Variants in AK8 observed in about 807,000 individuals in gnomAD.
AK8 encodes ATP-AMP transphosphorylase 8.
AK8 carries 44 observed loss-of-function variants against 54.6 expected under a neutral mutation model. The observed-to-expected ratio is 0.81, with a 90% confidence interval of 0.63 to 1.04. The LOEUF is 1.04. Ranked by LOEUF, AK8 falls within the 50% of genes least tolerant of loss-of-function variation. The probability of loss-of-function intolerance (pLI) is 0.00; values close to 1 mark genes in which losing one functional copy is unlikely to be tolerated. For missense variants in AK8, 555 were observed against 613.6 expected, an observed-to-expected ratio of 0.90 and a Z score of 1.01; for synonymous variants, 239 against 245.6, an observed-to-expected ratio of 0.97 and a Z score of 0.25.
chr9:132,845,309 A>G (rs1162843732), intron 5 of AK8, among the ~76,000 whole-genome samples: 1 of 152,228 alleles, frequency 6.6e-6, no homozygotes, highest in East Asian at 1.9e-4. Context: ...GTAACTAATA[A>G]CGATGTCAAT....
chr9:132,831,183 C>T (rs1842085932), intron 5 of AK8, among the ~76,000 whole-genome samples: 2 of 151,650 alleles, frequency 1.3e-5, no homozygotes, highest in Admixed American at 6.6e-5. Flanking sequence ...GTAAAATACG[C>T]TCTCCCTTCT....
chr9:132,745,886 T>C (rs1260877167), intron 11 of AK8, among the ~76,000 whole-genome samples: 2 of 152,112 alleles, frequency 1.3e-5, no homozygotes. Context: ...ATCAGCTCCT[T>C]GAAGTATGTT....
chr9:132,848,906 C>CCT, intron 5 of AK8, among the ~76,000 whole-genome samples: 1 of 118,556 alleles, frequency 8.4e-6, no homozygotes, highest in African/African-American at 3.3e-5. Flanking sequence ...CTCCTGTTTG[C>CCT]TTTTTTTTTT....
intron 11 of AK8, among the ~76,000 whole-genome samples, chr9:132,743,080 T>C (rs1412128716): frequency 6.6e-6 from 1 of 152,210 alleles, no homozygotes; most frequent in Non-Finnish European, 1.5e-5. Flanking sequence ...CGTGTGTAGC[T>C]TTAGCTCCCC....
chr9:132,860,491 G>A lies in AK8; in HGVS notation c.333+3174C>T, dbSNP rs549116540. Among the ~76,000 whole-genome samples, 2 of 152,344 alleles carry A rather than the reference G, an allele frequency of 1.3e-5. No individual in the cohort carries two copies. The highest frequency in any genetic ancestry group is 2.1e-4 in the South Asian group (1 of 4,828). On this transcript the variant is annotated intron_variant, in intron 4 of 12. Coordinates refer to ENST00000298545, the MANE Select transcript of AK8 (RefSeq NM_152572.3). This position sits in a 1 kb window ranked among gnomAD's most constrained non-coding sequence, Gnocchi z 4.4. ...CGAACGCAGGTAGAGGACAGGGAGA[G>A]TTCTAGAGGAAAAGGGAAGGCTCCA...
rs73660281 is a variant in AK8, at chr9:132,837,544, G to A, written c.403-8818C>T. Among the ~76,000 whole-genome samples, 2,368 of 152,074 alleles carry A rather than the reference G, an allele frequency of 0.016. 22 individuals carry two copies. The highest frequency in any genetic ancestry group is 0.031 in the East Asian group (158 of 5,160). On this transcript the variant is annotated intron_variant, in intron 5 of 12. Coordinates refer to ENST00000298545, the MANE Select transcript of AK8 (RefSeq NM_152572.3). This position sits in a 1 kb window ranked among gnomAD's most constrained non-coding sequence, Gnocchi z 4.3. ...CTCTCCTGCTCCAAGGTCTGCTTGC[G>A]TCTGCTCAAACCTCAGGCCCTGTCC...
chr9:132,759,912 A>G (rs1224575297), intron 11 of AK8, among the ~76,000 whole-genome samples: 2 of 152,038 alleles, frequency 1.3e-5, no homozygotes, highest in Non-Finnish European at 2.9e-5. Flanking sequence ...TTGCTCTTCT[A>G]TGTAAATGCA....
intron 11 of AK8, among the ~76,000 whole-genome samples, chr9:132,765,163 C>T (rs1000776433): frequency 1.3e-5 from 2 of 152,016 alleles, no homozygotes; most frequent in South Asian, 2.1e-4. Flanking sequence ...CGTGGTGGCA[C>T]GCACTTGTAG....
intron 2 of AK8, among the ~76,000 whole-genome samples, chr9:132,870,111 A>C (rs1455221840): frequency 6.6e-6 from 1 of 152,156 alleles, no homozygotes; most frequent in Non-Finnish European, 1.5e-5. Flanking sequence ...TTCATCTGAG[A>C]GTTCCCGGGC....
At chr9:132,757,850 C>G (rs1352815612) in intron 11 of AK8, among the ~76,000 whole-genome samples, 3 of 152,184 alleles carry the variant, frequency 2.0e-5, no homozygotes, top group Admixed American at 6.5e-5. Context: ...CATCATTGAT[C>G]CTAAGGGAGG....
chr9:132,735,425 G>A (rs1467167249), intron 11 of AK8, among the ~76,000 whole-genome samples: 1 of 152,166 alleles, frequency 6.6e-6, no homozygotes, highest in East Asian at 1.9e-4. Flanking sequence ...CCAGAGGCAG[G>A]GGCCTGACTG....
intron 11 of AK8, among the ~76,000 whole-genome samples, chr9:132,775,878 A>G (rs1395346666): frequency 6.6e-6 from 1 of 152,242 alleles, no homozygotes; most frequent in Non-Finnish European, 1.5e-5. Flanking sequence ...TTTTATACTC[A>G]GAAAAATCCA....
rs971215956 is a variant in AK8, at chr9:132,875,102, A to G, written c.169+13T>C. 3.1e-6 allele frequency: 5 copies of G among 1,613,952 alleles called. No homozygotes were observed. The highest frequency in any genetic ancestry group is 3.4e-6 in the Non-Finnish European group (4 of 1,179,934). ...GGAAGACGAGGAGGGGAAGAGCCCC[A>G]GCCAGTGCTCACCATTGTCGTTGTC... On this transcript the variant is annotated intron_variant, in intron 2 of 12. Transcript: ENST00000298545.
At position 132,799,102 on chromosome 9, in the gene AK8, G is replaced by A. The variant is rs915301136; in HGVS notation, c.980-6327C>T. ...GATGGGTGTGAGTAGGGAAGGGCTC[G>A]GAGAGAGCACCCAGGCCAGCTTGCG... is the stretch of plus-strand genomic sequence containing the variant. On this transcript the variant is annotated intron_variant, in intron 10 of 12. Transcript: ENST00000298545. The surrounding 1 kb of genome is among the most constrained non-coding windows in gnomAD (Gnocchi z 5.0). Among the ~76,000 whole-genome samples the A allele has an allele frequency of 3.3e-5, 5 of 152,278 alleles. No homozygotes were observed. The highest frequency in any genetic ancestry group is 1.9e-4 in the East Asian group (1 of 5,182).
chr9:132,798,527 C>A (rs1356302431), intron 10 of AK8, among the ~76,000 whole-genome samples: 1 of 152,150 alleles, frequency 6.6e-6, no homozygotes, highest in Non-Finnish European at 1.5e-5. Context: ...AAGTCAGATG[C>A]CTCAGGCTTG....
At chr9:132,768,914 T>C (rs530150872) in intron 11 of AK8, 57 of 152,332 alleles carry the variant, frequency 3.7e-4, no homozygotes, top group African/African-American at 1.3e-3. Flanking sequence ...AATCTCCATG[T>C]TTTAAAACCC....
intron 2 of AK8, 58 bp downstream of exon 2, chr9:132,875,057 G>A (rs1007215242): frequency 6.9e-6 from 11 of 1,603,278 alleles, no homozygotes; most frequent in African/African-American, 4.0e-5. Context: ...GGGAAGAAGG[G>A]GAAGGAGGAG....
intron 11 of AK8, among the ~76,000 whole-genome samples, chr9:132,774,983 T>G (rs571551218): frequency 1.3e-5 from 2 of 152,236 alleles, no homozygotes; most frequent in African/African-American, 4.8e-5. Context: ...ACCTTAAAGG[T>G]AGGCAAAGAG....
chr9:132,741,509 C>T (rs895958122), intron 11 of AK8, among the ~76,000 whole-genome samples: 3 of 152,174 alleles, frequency 2.0e-5, no homozygotes, highest in East Asian at 1.9e-4. Flanking sequence ...ACATTTCCTC[C>T]GTGTCCTGAG....
Sources: allele counts gnomAD v4.1 joint callset (sites outside exome capture counted in the v4.1 genomes callset), GRCh38; gene constraint gnomAD v4.1.1; non-coding constraint Gnocchi (gnomAD v3.1); transcripts MANE v1.5; gene names NCBI Gene and HGNC (gene_info 2026-07-23, HGNC 2026-07-21).